GRIK3: variants seen among roughly 807,000 people sequenced by gnomAD.
GRIK3 encodes glutamate ionotropic receptor kainate type subunit 3.
A neutral mutation model predicts 102.5 loss-of-function variants in GRIK3; 29 were observed. The observed-to-expected ratio is 0.28, with a 90% CI of 0.21 to 0.39. The LOEUF is 0.39. Among genes scored for constraint, GRIK3 ranks in the 10% least tolerant of loss-of-function variants. The pLI, the probability that GRIK3 is intolerant of heterozygous loss-of-function variation, is 1.00. For synonymous variants in GRIK3, 511 were observed against 504.9 expected, an observed-to-expected ratio of 1.01 and a Z score of -0.16; for missense variants, 908 against 1,252.4, an observed-to-expected ratio of 0.73 and a Z score of 4.15.
At chr1:36,865,248 G>A (rs1470520272) in intron 5 of GRIK3, among the ~76,000 whole-genome samples, 2 of 152,194 alleles carry the variant, frequency 1.3e-5, no homozygotes, top group Non-Finnish European at 2.9e-5. Flanking sequence ...TGATTAATGC[G>A]AGGTTATCTG....
intron 1 of GRIK3, among the ~76,000 whole-genome samples, chr1:36,895,173 TA>T (rs765373328): frequency 4.6e-5 from 7 of 152,086 alleles, no homozygotes; most frequent in Non-Finnish European, 7.4e-5. Flanking sequence ...ACTAAATCAC[TA>T]AAGGCCTTAT....
intron 5 of GRIK3, among the ~76,000 whole-genome samples, chr1:36,864,185 G>A (rs1185535763): frequency 6.6e-6 from 1 of 152,140 alleles, no homozygotes; most frequent in South Asian, 2.1e-4. Context: ...TTAACTCAGG[G>A]TTATCTACAG....
chr1:36,940,078 A>C (rs547980123), intron 1 of GRIK3, among the ~76,000 whole-genome samples: 1 of 152,372 alleles, frequency 6.6e-6, no homozygotes, highest in Admixed American at 6.5e-5. Context: ...AGGTGGGAAC[A>C]CAAGCAATAA....
At chr1:36,957,795 CTGTGCCCAATGAACCTATGTGTCCCG>C in intron 1 of GRIK3, among the ~76,000 whole-genome samples, 1 of 145,832 alleles carries the variant, frequency 6.9e-6, no homozygotes, top group African/African-American at 2.6e-5. Flanking sequence ...CCCCGTGACT[CTGTGCCCAATGAACCTATGTGTCCCG>C]TGAGCCTGTG....
At chr1:37,012,969 G>A (rs916532986) in intron 1 of GRIK3, among the ~76,000 whole-genome samples, 1 of 152,190 alleles carries the variant, frequency 6.6e-6, no homozygotes, top group African/African-American at 2.4e-5. Context: ...CCTGGCCCCT[G>A]TATTAGTCTG....
At chr1:36,944,889 C>T (rs1030131787) in intron 1 of GRIK3, among the ~76,000 whole-genome samples, 1 of 152,208 alleles carries the variant, frequency 6.6e-6, no homozygotes, top group Non-Finnish European at 1.5e-5. Context: ...GTCTAGCGAA[C>T]AGTGGCTTGT....
chr1:36,860,875 A>C (rs1640716027), intron 5 of GRIK3, among the ~76,000 whole-genome samples: 1 of 152,200 alleles, frequency 6.6e-6, no homozygotes, highest in African/African-American at 2.4e-5. Flanking sequence ...CGTTTTTCCA[A>C]CATGACAATG....
At chr1:36,887,771 AAT>A (rs71053957) in intron 2 of GRIK3, among the ~76,000 whole-genome samples, 1,649 of 106,640 alleles carry the variant, frequency 0.015, 15 homozygotes, top group South Asian at 0.049. Flanking sequence ...AAAAAAAAAA[AAT>A]ATATATATAT....
At chr1:36,955,141 A>C (rs1337998978) in intron 1 of GRIK3, among the ~76,000 whole-genome samples, 3 of 152,208 alleles carry the variant, frequency 2.0e-5, no homozygotes, top group African/African-American at 7.2e-5. Flanking sequence ...GAGCTCACTG[A>C]TTTGCTGAGG....
chr1:36,992,734 T>G (rs185580473), intron 1 of GRIK3, among the ~76,000 whole-genome samples: 1 of 152,192 alleles, frequency 6.6e-6, no homozygotes, highest in Admixed American at 6.5e-5. Flanking sequence ...ATTTATGGAG[T>G]GCTGACTCAG....
chr1:36,958,926 G>A lies in GRIK3; in HGVS notation c.116-67830C>T, dbSNP rs1366794656. On this transcript the variant is annotated intron_variant, in intron 1 of 15. Transcript: ENST00000373091. ...TTGTGACTCTGTGCCCCATGAGCCT[G>A]TGTGCCCTGTGAGCCTGTGTGCCCT... Among the ~76,000 whole-genome samples, 2 of 117,762 alleles carry A rather than the reference G, an allele frequency of 1.7e-5. 1 individual carries two copies. The highest frequency in any genetic ancestry group is 3.7e-5 in the Non-Finnish European group (2 of 54,650). The allele number at this position is 117,762 out of a possible 152,430, so 77.3% of individuals were successfully genotyped here. A position where few individuals can be genotyped will look rare whatever the true frequency, so the allele number is the denominator to read the frequency against.
At chr1:36,980,186 A>C (rs572522990) in intron 1 of GRIK3, among the ~76,000 whole-genome samples, 117 of 152,302 alleles carry the variant, frequency 7.7e-4, no homozygotes, top group Non-Finnish European at 9.8e-4. Context: ...TTAAAAATGC[A>C]AACCTGATCA....
chr1:37,031,843 G>C (rs1012928892), intron 1 of GRIK3, among the ~76,000 whole-genome samples: 7 of 152,168 alleles, frequency 4.6e-5, no homozygotes, highest in African/African-American at 1.7e-4. Flanking sequence ...CTCCAGCTGG[G>C]GTTCAAGCAG....
At chr1:36,842,124 C>T (rs989616954) in intron 9 of GRIK3, among the ~76,000 whole-genome samples, 185 bp from the exon 10 acceptor site, 2 of 152,140 alleles carry the variant, frequency 1.3e-5, no homozygotes, top group Non-Finnish European at 2.9e-5. Context: ...CTGGGGGCCT[C>T]ATGAATGGCT....
At chr1:36,975,957 AG>A (rs1642191684) in intron 1 of GRIK3, among the ~76,000 whole-genome samples, 1 of 152,262 alleles carries the variant, frequency 6.6e-6, no homozygotes, top group South Asian at 2.1e-4. Flanking sequence ...ATGAGCAGGA[AG>A]GCCTCCTGAA....
chr1:36,812,807 A>G (rs1156845796), intron 13 of GRIK3, among the ~76,000 whole-genome samples: 1 of 152,198 alleles, frequency 6.6e-6, no homozygotes, highest in Non-Finnish European at 1.5e-5. Context: ...AATCAGGAAC[A>G]TGCTAACCAC....
At chr1:36,965,298 T>C (rs1642067338) in intron 1 of GRIK3, among the ~76,000 whole-genome samples, 1 of 152,182 alleles carries the variant, frequency 6.6e-6, no homozygotes, top group African/African-American at 2.4e-5. Flanking sequence ...TAATGACTCT[T>C]CCAAGTTGAC....
intron 1 of GRIK3, among the ~76,000 whole-genome samples, chr1:36,930,674 G>A (rs1031037433): frequency 1.3e-5 from 2 of 152,346 alleles, no homozygotes; most frequent in South Asian, 2.1e-4. Context: ...GGCCAAGGTA[G>A]GTGGACACCA....
chr1:36,853,757 G>A (rs371851098), intron 7 of GRIK3, 35 bp from the exon 8 acceptor site: 14 of 1,168,722 alleles, frequency 1.2e-5, no homozygotes, highest in African/African-American at 9.0e-5. Flanking sequence ...GCAATTCCTC[G>A]GGCTTATAAA....
Sources: gnomAD v4.1 joint callset for allele counts (sites outside exome capture counted in the v4.1 genomes callset) on GRCh38, gnomAD v4.1.1 for gene constraint, MANE v1.5 for transcripts, NCBI Gene and HGNC (gene_info 2026-07-23, HGNC 2026-07-21) for gene names.